The following FRMPD3 variants were observed in gnomAD, a reference collection of about 807,000 sequenced individuals.
FRMPD3 encodes FERM and PDZ domain-containing protein 3.
In FRMPD3, 42 loss-of-function variants were observed where a neutral mutation model predicts 97.9. That is an observed-to-expected ratio of 0.43 (90% CI 0.34 to 0.55). The LOEUF (loss-of-function observed/expected upper bound fraction) is 0.55. Among genes scored for constraint, FRMPD3 ranks in the 20% least tolerant of loss-of-function variants. The pLI, the probability that FRMPD3 is intolerant of heterozygous loss-of-function variation, is 0.03. For synonymous variants in FRMPD3, 577 were observed against 581.1 expected, an observed-to-expected ratio of 0.99 and a Z score of 0.10; for missense variants, 1,303 against 1,457.7, an observed-to-expected ratio of 0.89 and a Z score of 1.73.
Position 107,600,674 on chromosome X carries a change from C to T in FRMPD3, c.2635C>T (p.Pro879Ser), listed in dbSNP as rs1459676332. ...GERTYSLAVH[P>S]ALSPQLSEQK... ...ACGAACATACTCCTTGGCAGTGCAC[C>T]CAGCACTGTCCCCACAGCTTAGTGA... is the stretch of plus-strand genomic sequence containing the variant. The change falls in exon 15 of 15, where the codon CCA (proline) becomes TCA (serine). Residue 879 changes from proline to serine, a missense_variant. Pro to Ser is a moderately conservative substitution (Grantham distance 74). Coordinates refer to ENST00000683843, the MANE Select transcript of FRMPD3 (RefSeq NM_001388459.1). The T allele has an allele frequency of 8.3e-7, 1 of 1,202,268 alleles. No homozygotes were observed. Among genetic ancestry groups the T allele is most frequent in the African/African-American group, 1.8e-5 (1 of 57,050 alleles).
chrX:107,569,743 G>A (rs1441135497), intron 12 of FRMPD3, among the ~76,000 whole-genome samples: 1 of 112,548 alleles, frequency 8.9e-6, no homozygotes, highest in Non-Finnish European at 1.9e-5. Context: ...TGGGCTGGGT[G>A]CAGTGGCTCA....
At chrX:107,490,324 C>G (rs1921625835) in intron 1 of FRMPD3, among the ~76,000 whole-genome samples, 1 of 111,966 alleles carries the variant, frequency 8.9e-6, no homozygotes, top group South Asian at 3.7e-4. Flanking sequence ...AGTGCAGGCT[C>G]TTTTTTGGTT....
intron 1 of FRMPD3, among the ~76,000 whole-genome samples, chrX:107,467,357 T>G (rs1931590231): frequency 9.0e-6 from 1 of 110,575 alleles, no homozygotes; most frequent in African/African-American, 3.3e-5. Context: ...GAGGACTGAC[T>G]CCAACACCTC....
At position 107,545,759 on chromosome X, in the gene FRMPD3, G is replaced by A; in HGVS notation, c.320G>A (p.Ser107Asn). The change falls in exon 5 of 15, where the codon AGT becomes AAT. Residue 107 changes from serine to asparagine, a missense_variant. By Grantham distance (46) the Ser-to-Asn change is conservative (BLOSUM62 1). This residue lies in a region of FRMPD3 where 535 missense variants were observed against 618.6 expected (regional missense o/e 0.86). Coordinates refer to ENST00000683843, the MANE Select transcript of FRMPD3 (RefSeq NM_001388459.1). Reference protein sequence around the residue: ...THQSPKSAFISAAKKAKLRSN... With the variant: ...THQSPKSAFINAAKKAKLRSN... ...CAGTCCCCCAAATCTGCTTTCATCA[G>A]TGCTGCGAAGAAGGCCAAGTTGAGG... 8.3e-7 allele frequency: 1 copy of A among 1,209,869 alleles called. No individual in the cohort carries two copies. Among genetic ancestry groups the A allele is most frequent in the Non-Finnish European group, 1.1e-6 (1 of 894,713 alleles).
intron 4 of FRMPD3, among the ~76,000 whole-genome samples, chrX:107,534,706 G>GAC (rs987748919): frequency 1.8e-5 from 2 of 110,058 alleles, no homozygotes; most frequent in Non-Finnish European, 1.9e-5. Flanking sequence ...CAAACACACT[G>GAC]ACACACACAC....
At chrX:107,567,775 G>A (rs1459710802) in intron 12 of FRMPD3, among the ~76,000 whole-genome samples, 4 of 111,172 alleles carry the variant, frequency 3.6e-5, no homozygotes, top group Non-Finnish European at 7.5e-5. Flanking sequence ...GAGCAGAGGG[G>A]TGATCAAATA....
chrX:107,473,356 T>C (rs191086805), intron 1 of FRMPD3, among the ~76,000 whole-genome samples: 1 of 112,319 alleles, frequency 8.9e-6, no homozygotes, highest in African/African-American at 3.2e-5. Flanking sequence ...AACCTTTCAG[T>C]TGGCGGCCAT....
At chrX:107,573,400 G>T (rs1208737727) in intron 12 of FRMPD3, among the ~76,000 whole-genome samples, 2 of 111,753 alleles carry the variant, frequency 1.8e-5, no homozygotes. Flanking sequence ...TACAGTGGCA[G>T]CAAGACAGCA....
At chrX:107,458,587 T>C (rs1307169693) in intron 1 of FRMPD3, among the ~76,000 whole-genome samples, 1 of 110,248 alleles carries the variant, frequency 9.1e-6, no homozygotes, top group Non-Finnish European at 1.9e-5. Context: ...CAAGAAAGGG[T>C]CAGAAAGAAG....
chrX:107,585,758 A>T (rs1923614780), intron 13 of FRMPD3, among the ~76,000 whole-genome samples: 1 of 112,156 alleles, frequency 8.9e-6, no homozygotes, highest in African/African-American at 3.2e-5. Context: ...TGATTTGCAT[A>T]TGTTGAACCA....
chrX:107,457,862 T>C (rs1931404993), intron 1 of FRMPD3, among the ~76,000 whole-genome samples: 1 of 111,939 alleles, frequency 8.9e-6, no homozygotes, highest in Non-Finnish European at 1.9e-5. Flanking sequence ...TTCTTCTTGC[T>C]TTTTCTTCTG....
chrX:107,596,702 C>T (rs1924186625), intron 13 of FRMPD3, among the ~76,000 whole-genome samples: 1 of 112,188 alleles, frequency 8.9e-6, no homozygotes, highest in Non-Finnish European at 1.9e-5. Flanking sequence ...CTCCCATATA[C>T]TTTACACATT....
chrX:107,568,521 C>T (rs1198925963), intron 12 of FRMPD3, among the ~76,000 whole-genome samples: 1 of 100,027 alleles, frequency 1.0e-5, no homozygotes, highest in Non-Finnish European at 2.0e-5. Context: ...ACCAGCCTGG[C>T]CAACATGGTG....
chrX:107,590,502 C>A (rs1438231070), intron 13 of FRMPD3, among the ~76,000 whole-genome samples: 1 of 112,314 alleles, frequency 8.9e-6, no homozygotes, highest in Non-Finnish European at 1.9e-5. Context: ...TGAGGAAGTT[C>A]CCTTTTATTC....
chrX:107,570,627 A>G (rs1219127983), intron 12 of FRMPD3, among the ~76,000 whole-genome samples: 3 of 110,961 alleles, frequency 2.7e-5, no homozygotes, highest in African/African-American at 6.6e-5. Context: ...CTTGCCCCCA[A>G]ATTGGCTGGC....
chrX:107,502,597 T>C (rs1921938627), intron 1 of FRMPD3, among the ~76,000 whole-genome samples: 1 of 110,229 alleles, frequency 9.1e-6, no homozygotes, highest in East Asian at 2.8e-4. Context: ...CCAGGGTCCA[T>C]CTGACTCAGA....
intron 1 of FRMPD3, among the ~76,000 whole-genome samples, chrX:107,453,372 G>C (rs1931323800): frequency 9.2e-6 from 1 of 108,943 alleles, no homozygotes; most frequent in Admixed American, 9.8e-5. Context: ...TTGCTAGGGG[G>C]ACTAGAATTG....
At chrX:107,478,062 C>T (rs961304915) in intron 1 of FRMPD3, among the ~76,000 whole-genome samples, 2 of 111,827 alleles carry the variant, frequency 1.8e-5, no homozygotes, top group Non-Finnish European at 3.8e-5. Context: ...TCAGAAGGCT[C>T]TGTGTCATCT....
Position 107,599,212 on chromosome X carries a change from G to C in FRMPD3, c.2263+1070G>C, listed in dbSNP as rs772856323. Among the ~76,000 whole-genome samples the C allele has an allele frequency of 2.7e-5, 3 of 109,566 alleles. No individual in the cohort carries two copies. The South Asian group carries it at 1.2e-3, about 44-fold the overall frequency. ...CGCTTGAACCTGAGAGGCAGAGGTC[G>C]CAGTGAGCCGATACTGCACCACTGC... is the stretch of plus-strand genomic sequence containing the variant. On this transcript the variant is annotated intron_variant, in intron 14 of 14. Coordinates refer to ENST00000683843, the MANE Select transcript of FRMPD3 (RefSeq NM_001388459.1).
Sources: allele counts gnomAD v4.1 joint callset (sites outside exome capture counted in the v4.1 genomes callset), GRCh38; gene constraint gnomAD v4.1.1; regional missense constraint gnomAD v4.1.1; transcripts MANE v1.5; gene names NCBI Gene and HGNC (gene_info 2026-07-23, HGNC 2026-07-21).